The following MTHFD2L variants were observed in gnomAD, a reference collection of about 807,000 sequenced individuals.
MTHFD2L encodes the protein bifunctional methylenetetrahydrofolate dehydrogenase/cyclohydrolase 2, mitochondrial.
In MTHFD2L, 29 loss-of-function variants were observed where a neutral mutation model predicts 34.9. The observed-to-expected ratio is 0.83, with a 90% CI of 0.62 to 1.13. The LOEUF (loss-of-function observed/expected upper bound fraction) is 1.13. Among genes scored for constraint, MTHFD2L ranks in the 50% most tolerant of loss-of-function variants. MTHFD2L has a pLI of 0.00. For synonymous variants in MTHFD2L, 167 were observed against 155.7 expected (o/e 1.07, Z -0.54); for missense variants, 481 against 446.5 (o/e 1.08, Z -0.70).
chr4:74,239,490 T>TAAA (rs11374613), intron 6 of MTHFD2L, among the ~76,000 whole-genome samples: 20 of 150,018 alleles, frequency 1.3e-4, no homozygotes, highest in African/African-American at 4.4e-4. Context: ...AGTATAATTT[T>TAAA]AAAAAAAAAA....
intron 6 of MTHFD2L, among the ~76,000 whole-genome samples, chr4:74,252,399 A>C (rs1743447034): frequency 1.3e-5 from 2 of 152,150 alleles, no homozygotes; most frequent in Admixed American, 1.3e-4. Flanking sequence ...AAGGACAAAC[A>C]ACAGACTTGA....
chr4:74,187,265 C>A (rs1198779083), intron 3 of MTHFD2L, among the ~76,000 whole-genome samples: 1 of 151,686 alleles, frequency 6.6e-6, no homozygotes, highest in Non-Finnish European at 1.5e-5. Flanking sequence ...AAATAAAACA[C>A]AAAGAGGAAA....
intron 7 of MTHFD2L, among the ~76,000 whole-genome samples, chr4:74,286,654 G>C (rs1190867650): frequency 6.6e-6 from 1 of 152,096 alleles, no homozygotes; most frequent in Non-Finnish European, 1.5e-5. Flanking sequence ...TGCTCTTATG[G>C]GTGAATTCTT....
intron 1 of MTHFD2L, chr4:74,161,402 A>G (rs1444227425): frequency 6.6e-6 from 1 of 152,174 alleles, no homozygotes; most frequent in Non-Finnish European, 1.5e-5. Flanking sequence ...TAGTTGGCAA[A>G]TGTGATAATG....
intron 3 of MTHFD2L, among the ~76,000 whole-genome samples, chr4:74,189,485 C>CCTTTTTTTTTTTTTT (rs1168720652): frequency 3.3e-5 from 4 of 119,790 alleles, no homozygotes; most frequent in South Asian, 2.7e-4. Context: ...GTTTTTCTTC[C>CCTTTTTTTTTTTTTT]TTTTTTTTTT....
intron 6 of MTHFD2L, chr4:74,241,916 G>A (rs112669348): frequency 6.5e-6 from 1 of 154,132 alleles, no homozygotes; most frequent in Non-Finnish European, 1.4e-5. Flanking sequence ...CATTTATATA[G>A]CATTCTTGAA....
At chr4:74,204,661 T>C (rs1308183973) in intron 5 of MTHFD2L, among the ~76,000 whole-genome samples, 1 of 152,168 alleles carries the variant, frequency 6.6e-6, no homozygotes, top group Non-Finnish European at 1.5e-5. Context: ...TGCATGCTAA[T>C]TTCTTGATAA....
intron 1 of MTHFD2L, among the ~76,000 whole-genome samples, chr4:74,158,718 G>T (rs1724732423): frequency 6.6e-6 from 1 of 152,138 alleles, no homozygotes; most frequent in African/African-American, 2.4e-5. Context: ...TGTTGTCTAA[G>T]TCTTTTCCAA....
intron 7 of MTHFD2L, among the ~76,000 whole-genome samples, chr4:74,296,152 A>G (rs1332851687): frequency 6.6e-6 from 1 of 152,182 alleles, no homozygotes; most frequent in Non-Finnish European, 1.5e-5. Context: ...CTAATTGAAT[A>G]TAGGGCTAGA....
intron 1 of MTHFD2L, among the ~76,000 whole-genome samples, chr4:74,130,489 C>A (rs1404117338): frequency 1.3e-5 from 2 of 152,250 alleles, no homozygotes; most frequent in East Asian, 1.9e-4. Context: ...ACAAAAACCA[C>A]ACGATTATCT....
Position 74,301,992 on chromosome 4 carries a change from T to C in MTHFD2L, c.*183T>C. ...GCATTTCCTGCTAATTTATTTTGAG[T>C]TTTAAGAAAACAACCAAAACAATTC... is the stretch of plus-strand genomic sequence containing the variant. On this transcript the variant is annotated 3_prime_UTR_variant, in exon 8 of 8. Transcript: ENST00000325278. 2.4e-6 allele frequency: 1 copy of C among 414,344 alleles called. No homozygotes were observed. The highest frequency in any genetic ancestry group is 4.3e-6 in the Non-Finnish European group (1 of 231,490). The allele number at this position is 414,344 out of a possible 1,614,324, so 25.7% of individuals were successfully genotyped here.
At chr4:74,264,596 T>C (rs768288749) in intron 6 of MTHFD2L, among the ~76,000 whole-genome samples, 1 of 151,974 alleles carries the variant, frequency 6.6e-6, no homozygotes, top group Non-Finnish European at 1.5e-5. Context: ...GAGATAAGAA[T>C]GAGGATTAAG....
intron 1 of MTHFD2L, among the ~76,000 whole-genome samples, chr4:74,173,730 G>A: frequency 6.6e-6 from 1 of 152,106 alleles, no homozygotes; most frequent in East Asian, 1.9e-4. Context: ...TGATTGATCT[G>A]CCTCTTTAGA....
intron 6 of MTHFD2L, among the ~76,000 whole-genome samples, chr4:74,271,078 G>A (rs950778566): frequency 6.6e-6 from 1 of 152,142 alleles, no homozygotes; most frequent in Non-Finnish European, 1.5e-5. Flanking sequence ...TTAGCCCTTT[G>A]TCAGATGAGT....
rs554110309 is a variant in MTHFD2L at position 74,167,312 on chromosome 4, A to G, written c.144-7194A>G. Among the ~76,000 whole-genome samples the G allele has an allele frequency of 3.9e-5, 6 of 152,352 alleles. No individual in the cohort carries two copies. In the East Asian group the frequency reaches 1.2e-3, roughly 29 times the overall value. The stretch of plus-strand genomic sequence containing the variant: ...GTGAAGGGCTTTCCCTGCTGAAGCC[A>G]GTTTAGAAAGACTGGAATAGGCGCC... On this transcript the variant is annotated intron_variant, in intron 1 of 7. Coordinates refer to ENST00000325278, the MANE Select transcript of MTHFD2L (RefSeq NM_001144978.3).
intron 7 of MTHFD2L, among the ~76,000 whole-genome samples, chr4:74,296,843 G>A (rs966698066): frequency 2.6e-5 from 4 of 152,078 alleles, no homozygotes; most frequent in African/African-American, 9.7e-5. Flanking sequence ...ACTGATGAAT[G>A]AATGAACAGT....
intron 6 of MTHFD2L, among the ~76,000 whole-genome samples, chr4:74,244,779 T>A (rs758668697): frequency 6.6e-6 from 1 of 152,164 alleles, no homozygotes; most frequent in Non-Finnish European, 1.5e-5. Context: ...AAACTATCAC[T>A]TGTCAAGTTT....
chr4:74,161,718 T>G (rs1725509445), intron 1 of MTHFD2L: 1 of 152,220 alleles, frequency 6.6e-6, no homozygotes, highest in Admixed American at 6.5e-5. Context: ...ATTTGGCAAG[T>G]TCTTTAATGA....
At chr4:74,132,960 T>G (rs938961138) in intron 1 of MTHFD2L, among the ~76,000 whole-genome samples, 11 of 152,322 alleles carry the variant, frequency 7.2e-5, no homozygotes, top group Admixed American at 6.5e-4. Context: ...TGTTCATACT[T>G]AATTTTACCA....
Sources: allele counts gnomAD v4.1 joint callset (sites outside exome capture counted in the v4.1 genomes callset), GRCh38; gene constraint gnomAD v4.1.1; transcripts MANE v1.5; gene names NCBI Gene and HGNC (gene_info 2026-07-23, HGNC 2026-07-21).